Variants in ABR observed in about 807,000 individuals in gnomAD.
ABR encodes the protein ABR activator of RhoGEF and GTPase, also known as active breakpoint cluster region-related protein.
A neutral mutation model predicts 107.2 loss-of-function variants in ABR; 35 were observed. The observed-to-expected ratio is 0.33, with a 90% CI of 0.25 to 0.43. The LOEUF (loss-of-function observed/expected upper bound fraction) is 0.43, where lower values mean the gene tolerates loss of function less well. ABR is among the 20% of genes least tolerant of loss of function. The pLI, the probability that ABR is intolerant of heterozygous loss-of-function variation, is 1.00. For missense variants in ABR, 815 were observed against 1,115.2 expected, an observed-to-expected ratio of 0.73 and a Z score of 3.83; for synonymous variants, 498 against 462.0, an observed-to-expected ratio of 1.08 and a Z score of -1.00.
chr17:1,056,383 A>G (rs2033278246), intron 13 of ABR, among the ~76,000 whole-genome samples: 1 of 152,114 alleles, frequency 6.6e-6, no homozygotes, highest in South Asian at 2.1e-4. Flanking sequence ...ACCATTCCCC[A>G]TGGGTACTGT....
chr17:1,036,694 G>A (rs189045453), intron 16 of ABR, among the ~76,000 whole-genome samples: 1 of 152,148 alleles, frequency 6.6e-6, no homozygotes, highest in African/African-American at 2.4e-5. Flanking sequence ...TCCGGGGACA[G>A]CTGTGGGGGA....
chr17:1,209,998 T>C (rs774699661), intron 1 of ABR, among the ~76,000 whole-genome samples: 2 of 152,174 alleles, frequency 1.3e-5, no homozygotes, highest in African/African-American at 2.4e-5. Flanking sequence ...CAGATACATA[T>C]GCCAAAGTGC....
chr17:1,036,184 G>A (rs1000335904), intron 16 of ABR, among the ~76,000 whole-genome samples: 4 of 152,150 alleles, frequency 2.6e-5, no homozygotes, highest in Non-Finnish European at 5.9e-5. Flanking sequence ...CGTCCTATCC[G>A]CTAGCGCAAA....
In ABR at chr17:1,202,697, G is replaced by A. The variant is rs533865269; in HGVS notation, c.838+26096C>T. Among the ~76,000 whole-genome samples, 82 of 152,048 alleles carry A rather than the reference G, an allele frequency of 5.4e-4. 1 individual carries two copies. Among genetic ancestry groups the A allele is most frequent in the Non-Finnish European group, 9.9e-4 (67 of 68,002 alleles). ...ATCCATAGCCATCTACTCCTAATCC[G>A]CTGACCCTTGATGAAATAGGCCTAG... On this transcript the variant is annotated intron_variant, in intron 1 of 22. Coordinates refer to the ABR transcript ENST00000574139.
intron 1 of ABR, among the ~76,000 whole-genome samples, chr17:1,204,220 G>A (rs527746895): frequency 3.3e-5 from 5 of 152,352 alleles, no homozygotes; most frequent in Non-Finnish European, 5.9e-5. Flanking sequence ...CGAGGCGGGC[G>A]GATCACCTGA....
At chr17:1,219,774 T>C (rs920394768) in intron 1 of ABR, among the ~76,000 whole-genome samples, 3 of 142,198 alleles carry the variant, frequency 2.1e-5, no homozygotes, top group African/African-American at 7.9e-5. Flanking sequence ...ATAAAATAAT[T>C]GATTTTTAAA....
At chr17:1,139,553 GT>G (rs142898332) in intron 1 of ABR, among the ~76,000 whole-genome samples, 1 of 149,988 alleles carries the variant, frequency 6.7e-6, no homozygotes, top group Non-Finnish European at 1.5e-5. Flanking sequence ...TGCCCGGCCT[GT>G]TTTTTTTTTC....
chr17:1,067,768 C>T (rs1164170702), intron 9 of ABR, among the ~76,000 whole-genome samples: 1 of 152,124 alleles, frequency 6.6e-6, no homozygotes, highest in African/African-American at 2.4e-5. Context: ...TGATGTCTGC[C>T]ATGGCAAAGG....
chr17:1,031,734 TC>T, intron 16 of ABR: 1 of 1,239,914 alleles, frequency 8.1e-7, no homozygotes, highest in Non-Finnish European at 1.0e-6. Flanking sequence ...GGGCAGGACG[TC>T]GGTCATGCCG....
intron 1 of ABR, among the ~76,000 whole-genome samples, chr17:1,143,612 G>A (rs375456556): frequency 7.7e-4 from 117 of 152,206 alleles, no homozygotes; most frequent in African/African-American, 2.7e-3. Flanking sequence ...GAACAGACTC[G>A]AGGCCCCACC....
intron 2 of ABR, among the ~76,000 whole-genome samples, chr17:1,112,058 T>C (rs2038703299): frequency 6.6e-6 from 1 of 152,194 alleles, no homozygotes; most frequent in Admixed American, 6.5e-5. Context: ...TTCTTTTCCT[T>C]TGCCAAAGCC....
At chr17:1,031,754 G>A (rs1355031758) in intron 16 of ABR, 8 of 1,233,974 alleles carry the variant, frequency 6.5e-6, no homozygotes, top group Admixed American at 8.5e-5. Context: ...CGGGGGGGAC[G>A]GGACGCGGCG....
At chr17:1,025,480 A>G (rs2072119757) in intron 16 of ABR, among the ~76,000 whole-genome samples, 2 of 152,154 alleles carry the variant, frequency 1.3e-5, no homozygotes, top group Non-Finnish European at 2.9e-5. Context: ...TTCCCACTGC[A>G]TTCGGATTAA....
chr17:1,025,029 G>A lies in ABR; in HGVS notation c.1792-11865C>T, dbSNP rs528487546. 2.8e-5 allele frequency among the ~76,000 whole-genome samples: 4 copies of A among 142,808 alleles called. No homozygotes were observed. In the East Asian group the frequency reaches 8.4e-4, roughly 30 times the overall value. 93.7% of individuals were successfully genotyped at this position (142,808 alleles called of 152,430 possible). A position where few individuals can be genotyped will look rare whatever the true frequency, so the allele number is the denominator to read the frequency against. On this transcript the variant is annotated intron_variant, in intron 16 of 22. Transcript: ENST00000302538. ...CCAGCTACTCGGGAGGCTGAGGCAG[G>A]AGAATGGCGTGAACCCCAGGGGGCG...
At chr17:1,109,871 G>A (rs1339413848) in intron 2 of ABR, among the ~76,000 whole-genome samples, 6 of 46,932 alleles carry the variant, frequency 1.3e-4, no homozygotes, top group South Asian at 5.0e-4. Context: ...CCCCTCCTCC[G>A]AGCAGTCCCC....
intron 1 of ABR, among the ~76,000 whole-genome samples, chr17:1,145,038 A>C (rs2040472352): frequency 6.6e-6 from 1 of 152,088 alleles, no homozygotes; most frequent in African/African-American, 2.4e-5. Flanking sequence ...AATAAATAAA[A>C]ATAAAGGAAA....
intron 1 of ABR, among the ~76,000 whole-genome samples, chr17:1,141,000 A>G (rs1489148079): frequency 6.6e-6 from 1 of 152,120 alleles, no homozygotes; most frequent in Non-Finnish European, 1.5e-5. Context: ...TAACGATACC[A>G]TGTCACAGGG....
chr17:1,104,854 C>T (rs377538722), intron 2 of ABR, among the ~76,000 whole-genome samples: 19 of 152,298 alleles, frequency 1.2e-4, no homozygotes, highest in African/African-American at 4.6e-4. Context: ...TTCTGGGCTC[C>T]CTATTGCTGT....
chr17:1,079,042 G>T, intron 6 of ABR: 2 of 1,438,550 alleles, frequency 1.4e-6, no homozygotes, highest in Non-Finnish European at 1.8e-6. Flanking sequence ...GAGGAGAGGA[G>T]GGAAGGGGAA....
Sources: gnomAD v4.1 joint callset for allele counts (sites outside exome capture counted in the v4.1 genomes callset) on GRCh38, gnomAD v4.1.1 for gene constraint, MANE v1.5 for transcripts, NCBI Gene and HGNC (gene_info 2026-07-23, HGNC 2026-07-21) for gene names.